Variants in BEND7 observed in about 807,000 individuals in gnomAD.
BEND7 encodes BEN domain containing 7, also known as BEN domain-containing protein 7.
BEND7 carries 28 observed loss-of-function variants against 50.9 expected under a neutral mutation model. The observed-to-expected ratio is 0.55, with a 90% CI of 0.41 to 0.75. The LOEUF is 0.75. Ranked by LOEUF, BEND7 falls within the 30% of genes least tolerant of loss-of-function variation. The probability of loss-of-function intolerance (pLI) is 0.00; values close to 1 mark genes in which losing one functional copy is unlikely to be tolerated. For synonymous variants in BEND7, 170 were observed against 183.9 expected, an observed-to-expected ratio of 0.92 and a Z score of 0.61; for missense variants, 477 against 491.3, an observed-to-expected ratio of 0.97 and a Z score of 0.28.
At chr10:13,448,501 G>T (rs2130941850) in intron 7 of BEND7, among the ~76,000 whole-genome samples, 1 of 152,238 alleles carries the variant, frequency 6.6e-6, no homozygotes, top group Non-Finnish European at 1.5e-5. Context: ...TTTTATTGTT[G>T]CTTTAAACAT....
chr10:13,517,831 A>G (rs1212308488), intron 2 of BEND7, among the ~76,000 whole-genome samples: 6 of 149,920 alleles, frequency 4.0e-5, no homozygotes, highest in Admixed American at 4.0e-4. Context: ...GTGGATCGCA[A>G]TGGCTGCAGG....
intron 6 of BEND7, among the ~76,000 whole-genome samples, chr10:13,480,333 G>A (rs1452429940): frequency 6.6e-6 from 1 of 152,166 alleles, no homozygotes; most frequent in Non-Finnish European, 1.5e-5. Flanking sequence ...GACCCACGGT[G>A]GTCTCTGCAT....
At chr10:13,519,201 G>A (rs1035893410) in intron 2 of BEND7, among the ~76,000 whole-genome samples, 9 of 152,158 alleles carry the variant, frequency 5.9e-5, no homozygotes, top group African/African-American at 2.2e-4. Flanking sequence ...GGCTGGGCAC[G>A]GTGGCTCACG....
intron 8 of BEND7, chr10:13,442,030 A>C (rs1486263337): frequency 4.3e-6 from 2 of 468,182 alleles, no homozygotes; most frequent in Non-Finnish European, 3.8e-6. Context: ...GATTTATCCC[A>C]GAGGGCCTCT....
rs572486779 is a variant in BEND7 at position 13,518,328 on chromosome 10, G to A, written c.145+7810C>T. On this transcript the variant is annotated intron_variant, in intron 2 of 8. Transcript: ENST00000466271. Reference sequence around the variant, plus strand: ...ATGTCAGCCCCACTGGCCCCTCACAGGGCCCCCTTGGGCAGGTACAACTTC... The same window carrying A: ...ATGTCAGCCCCACTGGCCCCTCACAAGGCCCCCTTGGGCAGGTACAACTTC... 4.6e-5 allele frequency among the ~76,000 whole-genome samples: 7 copies of A among 152,344 alleles called. No homozygotes were observed. In the East Asian group the frequency reaches 1.4e-3, roughly 29 times the overall value.
At chr10:13,441,833 G>T in intron 8 of BEND7, 83 bp from the exon 9 acceptor site, 1 of 1,400,978 alleles carries the variant, frequency 7.1e-7, no homozygotes, top group Non-Finnish European at 1.0e-6. Flanking sequence ...AAGGTATGAT[G>T]GAAATAATTT....
intron 2 of BEND7, among the ~76,000 whole-genome samples, chr10:13,512,087 T>C (rs758775530): frequency 6.6e-6 from 1 of 152,204 alleles, no homozygotes; most frequent in Admixed American, 6.5e-5. Context: ...GATTCTGACT[T>C]AGTTGCACTG....
chr10:13,466,802 C>G (rs1442951704), intron 6 of BEND7, among the ~76,000 whole-genome samples: 1 of 152,138 alleles, frequency 6.6e-6, no homozygotes, highest in Non-Finnish European at 1.5e-5. Context: ...ATGCGTTTTT[C>G]TCTTTCTAAA....
intron 6 of BEND7, among the ~76,000 whole-genome samples, chr10:13,472,006 C>A (rs568389448): frequency 5.3e-5 from 8 of 151,700 alleles, no homozygotes; most frequent in African/African-American, 1.9e-4. Flanking sequence ...GGGTCGATAC[C>A]CGTCACCACT....
chr10:13,445,706 G>GT (rs960817366), intron 8 of BEND7: 1 of 152,178 alleles, frequency 6.6e-6, no homozygotes, highest in Non-Finnish European at 1.5e-5. Flanking sequence ...CACTGGAAAC[G>GT]TATCTCCAAC....
intron 6 of BEND7, 106 bp from the exon 7 acceptor site, chr10:13,452,764 G>T: frequency 9.5e-7 from 1 of 1,048,722 alleles, no homozygotes; most frequent in Non-Finnish European, 1.3e-6. Context: ...TCTAAAGGAG[G>T]TCAGTTCTGC....
intron 6 of BEND7, among the ~76,000 whole-genome samples, chr10:13,468,423 T>C (rs2074469757): frequency 6.6e-6 from 1 of 152,152 alleles, no homozygotes; most frequent in African/African-American, 2.4e-5. Context: ...ACAGTGTTGC[T>C]GGCTCACCCG....
At chr10:13,527,961 T>G in intron 1 of BEND7, 2 of 413,748 alleles carry the variant, frequency 4.8e-6, no homozygotes, top group Non-Finnish European at 6.5e-6. Context: ...CCAACCCAAA[T>G]CAGCTAGCTA....
chr10:13,503,881 G>A (rs1042360887), intron 2 of BEND7, among the ~76,000 whole-genome samples: 3 of 152,266 alleles, frequency 2.0e-5, no homozygotes, highest in South Asian at 2.1e-4. Flanking sequence ...ATGACGGGAC[G>A]TTCAGGAATG....
chr10:13,518,869 A>C (rs1367301082), intron 2 of BEND7, among the ~76,000 whole-genome samples: 1 of 152,198 alleles, frequency 6.6e-6, no homozygotes, highest in African/African-American at 2.4e-5. Flanking sequence ...TTTAAATCAC[A>C]TATCTGAGGA....
intron 6 of BEND7, among the ~76,000 whole-genome samples, chr10:13,467,145 C>T (rs568798413): frequency 4.6e-5 from 7 of 152,180 alleles, no homozygotes; most frequent in Non-Finnish European, 1.0e-4. Context: ...TACACAGTGG[C>T]AACTCCCTTC....
At chr10:13,485,571 G>T (rs1424615504) in intron 5 of BEND7, among the ~76,000 whole-genome samples, 1 of 152,124 alleles carries the variant, frequency 6.6e-6, no homozygotes, top group Non-Finnish European at 1.5e-5. Context: ...ACTGATTTGG[G>T]GCTGAAAAGC....
At chr10:13,484,336 G>T (rs2076076600) in intron 5 of BEND7, among the ~76,000 whole-genome samples, 1 of 152,190 alleles carries the variant, frequency 6.6e-6, no homozygotes, top group Admixed American at 6.5e-5. Flanking sequence ...AAAAGATGAC[G>T]TTCACTAATC....
intron 6 of BEND7, chr10:13,480,574 A>G: frequency 1.1e-6 from 1 of 890,840 alleles, no homozygotes; most frequent in South Asian, 5.5e-5. Flanking sequence ...CTTTAAGTTG[A>G]AGTCATATTC....
Sources: gnomAD v4.1 joint callset for allele counts (sites outside exome capture counted in the v4.1 genomes callset) on GRCh38, gnomAD v4.1.1 for gene constraint, MANE v1.5 for transcripts, NCBI Gene and HGNC (gene_info 2026-07-23, HGNC 2026-07-21) for gene names.